The following ZNF714 variants were observed in gnomAD, a reference collection of about 807,000 sequenced individuals.
The protein encoded by ZNF714 is zinc finger protein 714.
In ZNF714, 32 loss-of-function variants were observed where a neutral mutation model predicts 46.2. The observed-to-expected ratio is 0.69, with a 90% confidence interval of 0.52 to 0.93. The LOEUF (loss-of-function observed/expected upper bound fraction) is 0.93. ZNF714 is among the 40% of genes least tolerant of loss of function. The pLI is 0.00. For missense variants in ZNF714, 635 were observed against 646.3 expected, an observed-to-expected ratio of 0.98 and a Z score of 0.19; for synonymous variants, 199 against 213.1, an observed-to-expected ratio of 0.93 and a Z score of 0.58.
intron 2 of ZNF714, among the ~76,000 whole-genome samples, chr19:21,087,817 A>T (rs1968817672): frequency 6.6e-6 from 1 of 152,216 alleles, no homozygotes; most frequent in South Asian, 2.1e-4. Flanking sequence ...CCAGGCAAAA[A>T]AGTCCACATT....
In ZNF714 at chr19:21,098,872, G is replaced by A. The variant is rs1269704101; in HGVS notation, c.104G>A (p.Trp35Ter). The change falls in exon 4 of 5, where the codon TGG (tryptophan) becomes TAG (stop). Residue 35 changes from tryptophan (W) to a stop codon, truncating the protein, a stop_gained. Transcript: ENST00000456283. LOFTEE classifies it high-confidence loss of function. ...AGTCTAGAGCAAGAAAAAGAGCCCT[G>A]GAATATGAAGATATGTGAGATGGTG... ...ITSLEQEKEP[W>*]NMKICEMVDE... is the part of the protein sequence containing the mutation. The A allele has an allele frequency of 8.1e-6, 13 of 1,610,626 alleles. No homozygotes were observed. Among genetic ancestry groups the A allele is most frequent in the Non-Finnish European group, 1.0e-5 (12 of 1,178,262 alleles).
chr19:21,109,017 T>G (rs1178794258), intron 4 of ZNF714, among the ~76,000 whole-genome samples: 1 of 152,202 alleles, frequency 6.6e-6, no homozygotes, highest in African/African-American at 2.4e-5. Flanking sequence ...GTGTTTGTCC[T>G]ATGCTAGTAC....
intron 2 of ZNF714, among the ~76,000 whole-genome samples, chr19:21,085,501 T>C (rs1968754560): frequency 6.6e-6 from 1 of 152,298 alleles, no homozygotes; most frequent in Non-Finnish European, 1.5e-5. Context: ...CCTTCCCTTA[T>C]ATGAACACTG....
intron 4 of ZNF714, among the ~76,000 whole-genome samples, chr19:21,114,771 A>G (rs577633120): frequency 7.9e-5 from 12 of 152,260 alleles, no homozygotes; most frequent in African/African-American, 2.2e-4. Context: ...TTGTTTTTGC[A>G]GTGGCTGGTA....
At chr19:21,096,523 A>G (rs1329846752) in intron 2 of ZNF714, among the ~76,000 whole-genome samples, 2 of 152,110 alleles carry the variant, frequency 1.3e-5, no homozygotes, top group Non-Finnish European at 1.5e-5. Context: ...TCCCTCCCCA[A>G]TGATTTTGTT....
At chr19:21,107,301 G>A (rs528803303) in intron 4 of ZNF714, among the ~76,000 whole-genome samples, 34 of 150,902 alleles carry the variant, frequency 2.3e-4, no homozygotes, top group Admixed American at 9.9e-4. Context: ...GTACAATGGC[G>A]CAATCTTGGC....
chr19:21,091,567 A>G (rs943510365), intron 2 of ZNF714: 1 of 152,076 alleles, frequency 6.6e-6, no homozygotes, highest in African/African-American at 2.4e-5. Context: ...CATCTAAGTC[A>G]TAATGGGAAG....
intron 4 of ZNF714, among the ~76,000 whole-genome samples, chr19:21,102,497 T>C (rs1969205207): frequency 6.6e-6 from 1 of 152,246 alleles, no homozygotes; most frequent in Non-Finnish European, 1.5e-5. Context: ...AGTTTTAATT[T>C]AGCAATGTAA....
intron 2 of ZNF714, among the ~76,000 whole-genome samples, chr19:21,093,478 C>T (rs898684086): frequency 2.4e-4 from 35 of 146,668 alleles, no homozygotes; most frequent in South Asian, 1.3e-3. Flanking sequence ...GTGATCCGCC[C>T]GCCTCAGCCT....
intron 2 of ZNF714, among the ~76,000 whole-genome samples, 180 bp downstream of exon 2, chr19:21,084,249 GCAAA>G (rs1212230832): frequency 6.6e-6 from 1 of 150,396 alleles, no homozygotes; most frequent in Non-Finnish European, 1.5e-5. Context: ...AAAAAATCAA[GCAAA>G]CAAACAAAAA....
intron 2 of ZNF714, chr19:21,091,696 T>C (rs1568273682): frequency 6.6e-6 from 1 of 151,560 alleles, no homozygotes; most frequent in Non-Finnish European, 1.5e-5. Context: ...TTCTTTGTCA[T>C]GTACATTTCT....
At chr19:21,094,890 C>T (rs1406599423) in intron 2 of ZNF714, among the ~76,000 whole-genome samples, 1 of 152,056 alleles carries the variant, frequency 6.6e-6, no homozygotes, top group East Asian at 1.9e-4. Context: ...TTGTTTTTGG[C>T]ATTTCTGTAG....
At position 21,108,994 on chromosome 19, in the gene ZNF714, A is replaced by G. The variant is rs371225064; in HGVS notation, c.143-7813A>G. ...TCCTGGTAAATTGACCCATTTGACC[A>G]TTATGTAATACTGTGTTTGTCCTAT... is the stretch of plus-strand genomic sequence containing the variant. On this transcript the variant is annotated intron_variant, in intron 4 of 4. Transcript: ENST00000456283. 1.3e-4 allele frequency among the ~76,000 whole-genome samples: 20 copies of G among 152,310 alleles called. No homozygotes were observed. The East Asian group carries it at 2.1e-3, about 16-fold the overall frequency.
intron 4 of ZNF714, among the ~76,000 whole-genome samples, chr19:21,101,990 C>T (rs1037133183): frequency 5.9e-5 from 9 of 152,264 alleles, no homozygotes; most frequent in African/African-American, 2.2e-4. Flanking sequence ...GAGATGGGAT[C>T]TTGTTTATCA....
chr19:21,118,579 C>A lies in ZNF714; in HGVS notation c.*247C>A, dbSNP rs1026472056. The A allele has an allele frequency of 5.6e-4, 159 of 281,684 alleles. No homozygotes were observed. Among genetic ancestry groups the A allele is most frequent in the African/African-American group, 3.4e-3 (150 of 43,870 alleles). The allele number at this position is 281,684 out of a possible 1,614,324, so 17.4% of individuals were successfully genotyped here. On this transcript the variant is annotated 3_prime_UTR_variant, in exon 5 of 5. Coordinates refer to ENST00000456283, the MANE Select transcript of ZNF714 (RefSeq NM_182515.4). ...AAATAATTTATACTGGAGAGAAATT[C>A]TACAAATGTGAAGAATATGGCAAAG...
At chr19:21,102,927 C>A (rs1157865034) in intron 4 of ZNF714, among the ~76,000 whole-genome samples, 2 of 152,004 alleles carry the variant, frequency 1.3e-5, no homozygotes, top group African/African-American at 4.8e-5. Flanking sequence ...TACTTTAAGT[C>A]AATGTGATGT....
chr19:21,088,555 C>T lies in ZNF714; in HGVS notation c.-85+4486C>T, dbSNP rs542868128. Among the ~76,000 whole-genome samples the T allele has an allele frequency of 5.3e-5, 8 of 152,230 alleles. No homozygotes were observed. The South Asian group carries it at 1.5e-3, about 28-fold the overall frequency. On this transcript the variant is annotated intron_variant, in intron 2 of 4. Coordinates refer to ENST00000456283, the MANE Select transcript of ZNF714 (RefSeq NM_182515.4). Reference sequence around the variant, plus strand: ...GATCAAATGGTTTATATTTTGAAGACATTTTTATTTTCCCAATGATCTTTA... The same window carrying T: ...GATCAAATGGTTTATATTTTGAAGATATTTTTATTTTCCCAATGATCTTTA...
chr19:21,082,390 C>G, intron 1 of ZNF714, 42 bp downstream of exon 1: 2 of 1,455,502 alleles, frequency 1.4e-6, no homozygotes, highest in Non-Finnish European at 1.9e-6. Context: ...GGGGAAGGGG[C>G]GGGTTGTAAG....
chr19:21,109,930 CT>C (rs1268401393), intron 4 of ZNF714, among the ~76,000 whole-genome samples: 1 of 152,070 alleles, frequency 6.6e-6, no homozygotes, highest in Non-Finnish European at 1.5e-5. Context: ...GATGTTGTTC[CT>C]TTTTTATGGC....
Sources: allele counts gnomAD v4.1 joint callset (sites outside exome capture counted in the v4.1 genomes callset), GRCh38; gene constraint gnomAD v4.1.1; transcripts MANE v1.5; gene names NCBI Gene and HGNC (gene_info 2026-07-23, HGNC 2026-07-21).